Variants in ZNF385D observed in about 807,000 individuals in gnomAD.
ZNF385D encodes zinc finger protein 385D.
A neutral mutation model predicts 35.8 loss-of-function variants in ZNF385D; 15 were observed. That is an observed-to-expected ratio of 0.42 (90% CI 0.28 to 0.64). The LOEUF (loss-of-function observed/expected upper bound fraction) is 0.64, where lower values mean the gene tolerates loss of function less well. ZNF385D is among the 30% of genes least tolerant of loss of function. The probability of loss-of-function intolerance (pLI) is 0.23; values close to 1 mark genes in which losing one functional copy is unlikely to be tolerated. For missense variants in ZNF385D, 474 were observed against 494.6 expected (o/e 0.96, Z 0.39); for synonymous variants, 212 against 186.8 (o/e 1.13, Z -1.10).
At chr3:22,040,707 AAC>A (rs1289830130) in intron 3 of ZNF385D, among the ~76,000 whole-genome samples, 1 of 152,146 alleles carries the variant, frequency 6.6e-6, no homozygotes, top group African/African-American at 2.4e-5. Flanking sequence ...AGTTTAGGGA[AAC>A]ACAGAAAAGA....
intron 2 of ZNF385D, among the ~76,000 whole-genome samples, chr3:22,296,086 G>A (rs1559504546): frequency 2.0e-5 from 3 of 152,150 alleles, no homozygotes; most frequent in African/African-American, 7.2e-5. Flanking sequence ...TATCCAAAAT[G>A]TAAGGTTATG....
At chr3:21,610,496 C>T (rs368720783) in intron 2 of ZNF385D, among the ~76,000 whole-genome samples, 7 of 152,096 alleles carry the variant, frequency 4.6e-5, no homozygotes, top group Admixed American at 2.0e-4. Context: ...GTTGGCCGGG[C>T]GCGGTGGCTC....
chr3:21,968,628 C>A (rs1483073335), intron 3 of ZNF385D, among the ~76,000 whole-genome samples: 7 of 152,114 alleles, frequency 4.6e-5, no homozygotes, highest in African/African-American at 1.2e-4. Flanking sequence ...AGAAAGGAAC[C>A]CACTGTCTTG....
intron 3 of ZNF385D, among the ~76,000 whole-genome samples, chr3:21,944,277 C>T (rs1701671286): frequency 1.3e-5 from 2 of 152,148 alleles, no homozygotes; most frequent in Admixed American, 6.5e-5. Context: ...AGAAGGTCGT[C>T]TCTGCAGATT....
intron 1 of ZNF385D, among the ~76,000 whole-genome samples, chr3:21,732,042 T>TTTTTTTTGAGAACGGAG (rs2069033051): frequency 2.8e-5 from 1 of 35,902 alleles, no homozygotes; most frequent in African/African-American, 8.0e-5. Flanking sequence ...TTTTTTTTTT[T>TTTTTTTTGAGAACGGAG]TTTTTTTTTT....
chr3:22,050,086 C>T (rs1376719106), intron 3 of ZNF385D, among the ~76,000 whole-genome samples: 2 of 151,896 alleles, frequency 1.3e-5, no homozygotes, highest in Non-Finnish European at 2.9e-5. Flanking sequence ...TGTTTTGGGG[C>T]TGGGTGCAGT....
chr3:21,606,664 T>G (rs1302722936), intron 2 of ZNF385D, among the ~76,000 whole-genome samples: 1 of 152,182 alleles, frequency 6.6e-6, no homozygotes, highest in Non-Finnish European at 1.5e-5. Flanking sequence ...GGACCTGAAC[T>G]GAAAAACAAA....
At chr3:21,573,227 A>G (rs968865306) in intron 2 of ZNF385D, among the ~76,000 whole-genome samples, 3 of 152,230 alleles carry the variant, frequency 2.0e-5, no homozygotes, top group African/African-American at 4.8e-5. Flanking sequence ...AGAAATCGCT[A>G]TGTAAAAGAT....
chr3:21,829,890 G>A (rs577719485), intron 3 of ZNF385D, among the ~76,000 whole-genome samples: 97 of 152,146 alleles, frequency 6.4e-4, no homozygotes, highest in African/African-American at 1.9e-3. Context: ...TTGGGAGGTC[G>A]AGGCAGGAGG....
At chr3:21,548,079 G>A (rs2062440550) in intron 3 of ZNF385D, among the ~76,000 whole-genome samples, 1 of 152,128 alleles carries the variant, frequency 6.6e-6, no homozygotes, top group Non-Finnish European at 1.5e-5. Flanking sequence ...GTGGTGGGAA[G>A]CGCTCTAACA....
chr3:21,968,696 C>T lies in ZNF385D; in HGVS notation c.325+200121G>A, dbSNP rs2125335135. On this transcript the variant is annotated intron_variant, in intron 3 of 5. Coordinates refer to the ZNF385D transcript ENST00000494108. ...ACCTACTGACTAGAGAGCTCTTGGG[C>T]CCTAAATAATCAGCAATGGTAGCCA... Among the ~76,000 whole-genome samples, 3 of 152,278 alleles carry T rather than the reference C, an allele frequency of 2.0e-5. No individual in the cohort carries two copies. The Middle Eastern group carries it at 0.01, about 518-fold the overall frequency.
At chr3:22,073,021 A>T (rs977382161) in intron 3 of ZNF385D, among the ~76,000 whole-genome samples, 2 of 151,892 alleles carry the variant, frequency 1.3e-5, no homozygotes, top group Non-Finnish European at 2.9e-5. Context: ...AGAAGTTCAG[A>T]CTTCTAGCTC....
chr3:22,040,495 G>T (rs917839725), intron 3 of ZNF385D, among the ~76,000 whole-genome samples: 15 of 152,268 alleles, frequency 9.9e-5, no homozygotes, highest in African/African-American at 3.1e-4. Context: ...ATAGGAAATT[G>T]TAATTTTGAT....
chr3:22,249,304 A>G (rs1157682881), intron 2 of ZNF385D, among the ~76,000 whole-genome samples: 1 of 152,194 alleles, frequency 6.6e-6, no homozygotes, highest in East Asian at 1.9e-4. Flanking sequence ...GTCTTAATAA[A>G]TGTAATGCAA....
At chr3:22,352,551 A>G (rs1256908017) in intron 2 of ZNF385D, among the ~76,000 whole-genome samples, 2 of 152,200 alleles carry the variant, frequency 1.3e-5, no homozygotes, top group Non-Finnish European at 2.9e-5. Flanking sequence ...TTCTTGTAAT[A>G]TAATCATACC....
rs377426215 is a variant in ZNF385D, at chr3:21,511,402, C to T, written c.277-379G>A. Among the ~76,000 whole-genome samples the T allele has an allele frequency of 2.0e-5, 3 of 152,232 alleles. No homozygotes were observed. In the South Asian group the frequency reaches 6.2e-4, roughly 32 times the overall value. ...GAGCCCTAGAAAAGAGTAGCTTTCA[C>T]CTTCTTGGCTTAGAAAATGCATTTT... On this transcript the variant is annotated intron_variant, in intron 3 of 7. Coordinates refer to ENST00000281523, the MANE Select transcript of ZNF385D (RefSeq NM_024697.3).
chr3:22,122,550 G>T (rs1439874254), intron 3 of ZNF385D, among the ~76,000 whole-genome samples: 3 of 152,032 alleles, frequency 2.0e-5, no homozygotes, highest in East Asian at 1.9e-4. Context: ...CAGCCATAAA[G>T]AAAAGTGACA....
chr3:21,748,532 C>A (rs183058022), intron 1 of ZNF385D, among the ~76,000 whole-genome samples: 1 of 152,176 alleles, frequency 6.6e-6, no homozygotes, highest in Non-Finnish European at 1.5e-5. Context: ...CTCTTCATCA[C>A]GCTCTGCTGG....
chr3:21,890,538 G>C (rs112836662), intron 3 of ZNF385D, among the ~76,000 whole-genome samples: 2 of 152,132 alleles, frequency 1.3e-5, no homozygotes, highest in Non-Finnish European at 2.9e-5. Flanking sequence ...AGAATTGCTG[G>C]AACCTGGGAG....
Sources: gnomAD v4.1 joint callset for allele counts (sites outside exome capture counted in the v4.1 genomes callset) on GRCh38, gnomAD v4.1.1 for gene constraint, MANE v1.5 for transcripts, NCBI Gene and HGNC (gene_info 2026-07-23, HGNC 2026-07-21) for gene names.